Variants in ZNF592 observed in about 807,000 individuals in gnomAD.
ZNF592 encodes the protein zinc finger protein 592, also known as spinocerebellar ataxia, autosomal recessive 5.
ZNF592 carries 11 observed loss-of-function variants against 80.3 expected under a neutral mutation model. That is an observed-to-expected ratio of 0.14 (90% CI 0.09 to 0.23). The LOEUF (loss-of-function observed/expected upper bound fraction) is 0.23. Among genes scored for constraint, ZNF592 ranks in the 10% least tolerant of loss-of-function variants. The pLI is 1.00. For synonymous variants in ZNF592, 646 were observed against 640.3 expected, an observed-to-expected ratio of 1.01 and a Z score of -0.13; for missense variants, 1,420 against 1,633.9, an observed-to-expected ratio of 0.87 and a Z score of 2.26.
At position 84,798,325 on chromosome 15, in the gene ZNF592, A is replaced by G; in HGVS notation, c.2587A>G (p.Lys863Glu). The G allele has an allele frequency of 6.2e-7, 1 of 1,614,192 alleles. No homozygotes were observed. The highest frequency in any genetic ancestry group is 1.7e-5 in the Admixed American group (1 of 60,026). Residue 863 changes from lysine (K) to glutamate (E), a missense_variant, in exon 7 of 11, where the codon AAG becomes GAG. Transcript: ENST00000560079. This position sits in a 1 kb window ranked among gnomAD's most constrained non-coding sequence, Gnocchi z 4.5. ...QPHRPSQLIY[K>E]CSCEMVFNKK... ...GGCTTGTCTCATCAGGCTCATTTAT[A>G]AGTGCTCCTGTGAAATGGTCTTCAA...
In ZNF592 at chr15:84,765,535, G is replaced by GTTTTTTTTTTTT. The variant is rs71453265; in HGVS notation, c.-150+731_-150+742dup. On this transcript the variant is annotated intron_variant, in intron 2 of 10. Coordinates refer to ENST00000560079, the MANE Select transcript of ZNF592 (RefSeq NM_014630.3). ...ATCCTCACTAGCACTTGTTATTATT[G>GTTTTTTTTTTTT]TTTTTTTTTTTTTTTTTTTTTTGAG... Among the ~76,000 whole-genome samples, 199 of 92,284 alleles carry GTTTTTTTTTTTT rather than the reference G, an allele frequency of 2.2e-3. 4 individuals are homozygous for GTTTTTTTTTTTT. The highest frequency in any genetic ancestry group is 0.02 in the Middle Eastern group (2 of 100). 60.5% of individuals were successfully genotyped at this position (92,284 alleles called of 152,430 possible).
intron 5 of ZNF592, among the ~76,000 whole-genome samples, chr15:84,797,334 C>G (rs548972141): frequency 9.2e-5 from 14 of 152,214 alleles, no homozygotes; most frequent in African/African-American, 3.4e-4. Context: ...TCTTCCTGGG[C>G]TTTAAGGGTT....
rs1243121474 is a variant in ZNF592, at chr15:84,804,926, G to A, written c.*2533G>A. 1.3e-5 allele frequency: 2 copies of A among 152,174 alleles called. No individual in the cohort carries two copies. Among genetic ancestry groups the A allele is most frequent in the African/African-American group, 4.8e-5 (2 of 41,434 alleles). 9.4% of individuals were successfully genotyped at this position (152,174 alleles called of 1,614,324 possible). On this transcript the variant is annotated 3_prime_UTR_variant, in exon 11 of 11. Coordinates refer to ENST00000560079, the MANE Select transcript of ZNF592 (RefSeq NM_014630.3). ...TTTACGGAGAAGAAACCGAGGCTCCGAGAGGTTAAACGATGTGCAGAGGCT... is the reference window on the plus strand; with the variant it reads ...TTTACGGAGAAGAAACCGAGGCTCCAAGAGGTTAAACGATGTGCAGAGGCT...
In ZNF592 at chr15:84,803,111, T is replaced by G. The variant is rs1963147989; in HGVS notation, c.*718T>G. 1 of 152,468 alleles carries G rather than the reference T, an allele frequency of 6.6e-6. No individual in the cohort carries two copies. Among genetic ancestry groups the G allele is most frequent in the Admixed American group, 6.5e-5 (1 of 15,268 alleles). 9.4% of individuals were successfully genotyped at this position (152,468 alleles called of 1,614,324 possible). Reference sequence around the variant, plus strand: ...AACCAGACCCCTTGAGAAGGCGCTGTGGGTGGGTCTTTGTTCTGCTGTTCT... The same window carrying G: ...AACCAGACCCCTTGAGAAGGCGCTGGGGGTGGGTCTTTGTTCTGCTGTTCT... On this transcript the variant is annotated 3_prime_UTR_variant, in exon 11 of 11. Transcript: ENST00000560079.
chr15:84,797,993 A>G lies in ZNF592; in HGVS notation c.2524A>G (p.Thr842Ala). 1.2e-6 allele frequency: 2 copies of G among 1,614,172 alleles called. No individual in the cohort carries two copies. Among genetic ancestry groups the G allele is most frequent in the South Asian group, 2.2e-5 (2 of 91,092 alleles). Residue 842 changes from threonine to alanine, a missense_variant, in exon 6 of 11, where the codon ACT becomes GCT. Thr to Ala is a moderately conservative substitution (Grantham distance 58). Around this residue, in one of 7 missense-constraint regions of ZNF592, gnomAD observed 331 missense variants for 347.0 expected, o/e 0.95. Transcript: ENST00000560079. Reference protein sequence around the residue: ...CPMAFKTASSTADHSATQHPT... With the variant: ...CPMAFKTASSAADHSATQHPT... ...CATGGCCTTCAAGACTGCCAGCAGCACTGCAGACCACAGTGCCACCCAGCA... is the reference window on the plus strand; with the variant it reads ...CATGGCCTTCAAGACTGCCAGCAGCGCTGCAGACCACAGTGCCACCCAGCA...
At chr15:84,755,111 C>T (rs903509431) in intron 1 of ZNF592, among the ~76,000 whole-genome samples, 1 of 145,108 alleles carries the variant, frequency 6.9e-6, no homozygotes, top group African/African-American at 2.6e-5. Context: ...GCGTCCATCA[C>T]CACACCCAGC....
At chr15:84,749,471 A>AT (rs1037585728) in intron 1 of ZNF592, among the ~76,000 whole-genome samples, 1 of 152,242 alleles carries the variant, frequency 6.6e-6, no homozygotes, top group Non-Finnish European at 1.5e-5. Flanking sequence ...ATTTTAAACC[A>AT]TTTTTTGAGT....
chr15:84,789,055 A>C (rs989957254), intron 4 of ZNF592, among the ~76,000 whole-genome samples: 4 of 150,504 alleles, frequency 2.7e-5, no homozygotes, highest in Admixed American at 6.6e-5. Context: ...TATTTAAAAA[A>C]AAAAAAACAA....
rs267604350 is a variant in ZNF592, at chr15:84,782,841, C to T, written c.166C>T (p.His56Tyr). 8.1e-6 allele frequency: 13 copies of T among 1,614,038 alleles called. No individual in the cohort carries two copies. Among genetic ancestry groups the T allele is most frequent in the Non-Finnish European group, 1.1e-5 (13 of 1,180,026 alleles). ...TATGGATGAAAGTGTGTCCTTGTCT[C>T]ACTCAGGATCAGCCCCCGATGTGCC... ...ICMDESVSLS[H>Y]SGSAPDVPAV... is the part of the protein sequence containing the mutation. The change falls in exon 4 of 11, where the codon CAC (histidine) becomes TAC (tyrosine). Residue 56 changes from histidine (H) to tyrosine (Y), a missense_variant. This residue lies in a region of ZNF592 where 373 missense variants were observed against 355.5 expected (regional missense o/e 1.05). Coordinates refer to ENST00000560079, the MANE Select transcript of ZNF592 (RefSeq NM_014630.3).
chr15:84,803,926 G>C lies in ZNF592; in HGVS notation c.*1533G>C, dbSNP rs566553208. On this transcript the variant is annotated 3_prime_UTR_variant, in exon 11 of 11. Coordinates refer to ENST00000560079, the MANE Select transcript of ZNF592 (RefSeq NM_014630.3). ...AGTGGAGTAAAGGGAAGAGGGTGCT[G>C]GCCGGGTGCTTAGAGGTCATCTTTC... 1.3e-5 allele frequency: 2 copies of C among 152,258 alleles called. No individual in the cohort carries two copies. Among genetic ancestry groups the C allele is most frequent in the African/African-American group, 4.8e-5 (2 of 41,460 alleles). 9.4% of individuals were successfully genotyped at this position (152,258 alleles called of 1,614,324 possible). A position where few individuals can be genotyped will look rare whatever the true frequency, so the allele number is the denominator to read the frequency against.
intron 5 of ZNF592, among the ~76,000 whole-genome samples, chr15:84,796,241 T>A (rs1213003315): frequency 0.33 from 9,459 of 28,998 alleles, 1,258 homozygotes; most frequent in Non-Finnish European, 0.37. Flanking sequence ...AAAAAAAAAA[T>A]ATATATATAT....
intron 1 of ZNF592, among the ~76,000 whole-genome samples, chr15:84,757,189 C>T (rs1014141698): frequency 6.6e-6 from 1 of 151,970 alleles, no homozygotes; most frequent in Non-Finnish European, 1.5e-5. Flanking sequence ...CTCCTGGCTT[C>T]AAATAATCCT....
rs1045340564 is a variant in ZNF592, at chr15:84,748,672, C to T, written c.-259+8C>T. 6 of 148,130 alleles carry T rather than the reference C, an allele frequency of 4.1e-5. No individual in the cohort carries two copies. Among genetic ancestry groups the T allele is most frequent in the Non-Finnish European group, 6.0e-5 (4 of 66,270 alleles). 9.2% of individuals were successfully genotyped at this position (148,130 alleles called of 1,614,324 possible). ...CGCCGCCGCCGCCGCCAGGTAAGCG[C>T]CCCCCGCGGGCCGGGCCGAGCGGGG... On this transcript the variant is annotated splice_region_variant and intron_variant, in intron 1 of 10. Coordinates refer to ENST00000560079, the MANE Select transcript of ZNF592 (RefSeq NM_014630.3).
At position 84,781,309 on chromosome 15, in the gene ZNF592, A is replaced by G. The variant is rs143674229; in HGVS notation, c.-19-1348A>G. Among the ~76,000 whole-genome samples the G allele has an allele frequency of 4.1e-4, 63 of 152,138 alleles. 1 individual carries two copies. The East Asian group carries it at 0.011, about 26-fold the overall frequency. ...GCTATCCACTCACCTTGGCCTTCCA[A>G]AGTGCTGGGATTATAGGCAAGAGCC... On this transcript the variant is annotated intron_variant, in intron 3 of 10. Transcript: ENST00000560079.
At chr15:84,779,005 G>T (rs1379022536) in intron 3 of ZNF592, among the ~76,000 whole-genome samples, 1 of 152,156 alleles carries the variant, frequency 6.6e-6, no homozygotes, top group Non-Finnish European at 1.5e-5. Flanking sequence ...ACGTGGAGTG[G>T]TTTTAAGGAG....
Position 84,762,214 on chromosome 15 carries a change from G to A in ZNF592, c.-258-2493G>A, listed in dbSNP as rs1321839344. On this transcript the variant is annotated intron_variant, in intron 1 of 10. Transcript: ENST00000560079. ...TCTTACTCTTATAGGGCTCATTCTG[G>A]TTTGTATGCATTTATAGATAATAAG... Among the ~76,000 whole-genome samples, 3 of 152,206 alleles carry A rather than the reference G, an allele frequency of 2.0e-5. No individual in the cohort carries two copies. The South Asian group carries it at 6.2e-4, about 32-fold the overall frequency.
chr15:84,764,933 A>G (rs1899463002), intron 2 of ZNF592, 118 bp downstream of exon 2: 2 of 393,844 alleles, frequency 5.1e-6, no homozygotes, highest in African/African-American at 4.1e-5. Context: ...GATAAAATAC[A>G]TATAACAAAA....
intron 1 of ZNF592, among the ~76,000 whole-genome samples, chr15:84,758,094 T>C (rs1899233157): frequency 6.6e-6 from 1 of 151,782 alleles, no homozygotes; most frequent in African/African-American, 2.4e-5. Context: ...TGCCTCAGCC[T>C]CCCGAGTAGC....
intron 1 of ZNF592, among the ~76,000 whole-genome samples, chr15:84,759,443 C>T (rs980185926): frequency 2.0e-5 from 3 of 152,104 alleles, no homozygotes; most frequent in South Asian, 2.1e-4. Context: ...CTCCCCTTGA[C>T]GCTGCTTCCT....
Sources: gnomAD v4.1 joint callset for allele counts (sites outside exome capture counted in the v4.1 genomes callset) on GRCh38, gnomAD v4.1.1 for gene constraint, gnomAD v4.1.1 regional missense constraint, Gnocchi (gnomAD v3.1) non-coding constraint, MANE v1.5 for transcripts, NCBI Gene and HGNC (gene_info 2026-07-23, HGNC 2026-07-21) for gene names.